The following FGF12 variants were observed in gnomAD, a reference collection of about 807,000 sequenced individuals.
The protein encoded by FGF12 is fibroblast growth factor 12B.
In FGF12, 14 loss-of-function variants were observed where a neutral mutation model predicts 23.6. The ratio of observed to expected loss-of-function variants is 0.59; its 90% CI spans 0.39 to 0.93. FGF12 has a LOEUF of 0.93. FGF12 is among the 40% of genes least tolerant of loss of function. FGF12 has a pLI of 0.00. For missense variants in FGF12, 175 were observed against 217.8 expected, an observed-to-expected ratio of 0.80 and a Z score of 1.24; for synonymous variants, 62 against 77.3, an observed-to-expected ratio of 0.80 and a Z score of 1.04.
chr3:192,605,441 G>C (rs570953138), intron 2 of FGF12, among the ~76,000 whole-genome samples: 1 of 151,588 alleles, frequency 6.6e-6, no homozygotes, highest in Non-Finnish European at 1.5e-5. Flanking sequence ...CATTGGCTTG[G>C]CCTTGGGAAA....
At chr3:192,533,184 C>G (rs145892390) in intron 2 of FGF12, among the ~76,000 whole-genome samples, 17 of 152,204 alleles carry the variant, frequency 1.1e-4, no homozygotes, top group Non-Finnish European at 1.8e-4. Context: ...GTCAAATTAC[C>G]AAAATCTGTA....
At chr3:192,634,555 A>G (rs1315827394) in intron 2 of FGF12, among the ~76,000 whole-genome samples, 2 of 152,130 alleles carry the variant, frequency 1.3e-5, no homozygotes, top group Non-Finnish European at 2.9e-5. Context: ...CTATATATAC[A>G]TATATGCACA....
chr3:192,683,284 G>C (rs1717606850), intron 2 of FGF12, among the ~76,000 whole-genome samples: 1 of 152,170 alleles, frequency 6.6e-6, no homozygotes, highest in African/African-American at 2.4e-5. Context: ...ACTCTGAGCG[G>C]TTAGTGTCAG....
chr3:192,469,449 T>C (rs1473649807), intron 2 of FGF12, among the ~76,000 whole-genome samples: 5 of 152,210 alleles, frequency 3.3e-5, no homozygotes, highest in Non-Finnish European at 7.3e-5. Context: ...CATGATAGCC[T>C]TCCTTCTTTA....
At chr3:192,441,901 C>G (rs1299484548) in intron 2 of FGF12, among the ~76,000 whole-genome samples, 1 of 152,220 alleles carries the variant, frequency 6.6e-6, no homozygotes, top group Admixed American at 6.5e-5. Flanking sequence ...ATTTTACTCT[C>G]TAGGTTAGAT....
chr3:192,566,403 G>A (rs906045487), intron 2 of FGF12, among the ~76,000 whole-genome samples: 2 of 152,134 alleles, frequency 1.3e-5, no homozygotes, highest in African/African-American at 4.8e-5. Context: ...CAGACAGAAA[G>A]AAACAAAGGC....
intron 5 of FGF12, among the ~76,000 whole-genome samples, chr3:192,145,095 G>C (rs988217902): frequency 8.5e-5 from 13 of 152,090 alleles, no homozygotes; most frequent in Non-Finnish European, 1.8e-4. Flanking sequence ...ACTTTGAGTG[G>C]TTACCGATTT....
intron 2 of FGF12, among the ~76,000 whole-genome samples, chr3:192,604,653 T>C (rs1472672561): frequency 6.6e-6 from 1 of 152,214 alleles, no homozygotes; most frequent in Non-Finnish European, 1.5e-5. Context: ...ACAGATTCAA[T>C]GCTATTCCTA....
chr3:192,339,018 GAT>G (rs1717556522), intron 3 of FGF12, among the ~76,000 whole-genome samples: 2 of 152,166 alleles, frequency 1.3e-5, no homozygotes, highest in South Asian at 4.1e-4. Context: ...AGAGAAAACT[GAT>G]AATGCTAGGC....
chr3:192,636,780 T>G (rs1036388261), intron 2 of FGF12, among the ~76,000 whole-genome samples: 1 of 152,330 alleles, frequency 6.6e-6, no homozygotes, highest in Admixed American at 6.5e-5. Flanking sequence ...AACAGCGATG[T>G]TATCAGAGAG....
chr3:192,638,882 A>G (rs1342590129), intron 2 of FGF12, among the ~76,000 whole-genome samples: 4 of 152,200 alleles, frequency 2.6e-5, no homozygotes, highest in Admixed American at 2.0e-4. Context: ...CACATCCAAA[A>G]CACCTAATTT....
chr3:192,510,485 A>G (rs188309430), intron 2 of FGF12, among the ~76,000 whole-genome samples: 1 of 152,314 alleles, frequency 6.6e-6, no homozygotes, highest in African/African-American at 2.4e-5. Flanking sequence ...ACTGACAAAA[A>G]TGTGGAGCAC....
At chr3:192,285,348 C>G (rs917351555) in intron 4 of FGF12, among the ~76,000 whole-genome samples, 2 of 152,036 alleles carry the variant, frequency 1.3e-5, no homozygotes, top group African/African-American at 2.4e-5. Flanking sequence ...GAGTCTAAAC[C>G]TTATGCTCTT....
At chr3:192,621,810 G>T (rs965368805) in intron 2 of FGF12, among the ~76,000 whole-genome samples, 2 of 151,536 alleles carry the variant, frequency 1.3e-5, no homozygotes, top group African/African-American at 2.4e-5. Context: ...TTGGCAAGAC[G>T]CTTGGTACTG....
chr3:192,513,847 T>C (rs571208473), intron 2 of FGF12, among the ~76,000 whole-genome samples: 4 of 152,314 alleles, frequency 2.6e-5, no homozygotes, highest in Admixed American at 6.5e-5. Flanking sequence ...GCAAGATTAA[T>C]AGACACACCA....
intron 2 of FGF12, among the ~76,000 whole-genome samples, chr3:192,679,493 G>A (rs544688365): frequency 2.2e-4 from 33 of 152,200 alleles, no homozygotes; most frequent in African/African-American, 7.7e-4. Context: ...AGCTACTCAG[G>A]AGGTGGGAGG....
rs1474012583 is a variant in FGF12 at position 192,442,471 on chromosome 3, A to G, written c.14-81933T>C. On this transcript the variant is annotated intron_variant, in intron 2 of 5. Transcript: ENST00000445105. ...GACAGACTAAGATGTTGGTGAGTCT[A>G]GTTGGATTCTATAAGTTTTAGGTGC... Among the ~76,000 whole-genome samples, 4 of 152,234 alleles carry G rather than the reference A, an allele frequency of 2.6e-5. No individual in the cohort carries two copies. In the East Asian group the frequency reaches 5.8e-4, roughly 22 times the overall value.
At chr3:192,641,499 G>A (rs1397143085) in intron 2 of FGF12, among the ~76,000 whole-genome samples, 1 of 151,018 alleles carries the variant, frequency 6.6e-6, no homozygotes, top group African/African-American at 2.4e-5. Flanking sequence ...CTGTCTCCCG[G>A]GTTCCAGCGA....
intron 4 of FGF12, among the ~76,000 whole-genome samples, chr3:192,197,140 C>T (rs1210965250): frequency 2.6e-5 from 4 of 152,134 alleles, no homozygotes; most frequent in African/African-American, 9.7e-5. Context: ...ATCTCTGATT[C>T]GGCAGTACAT....
Sources: gnomAD v4.1 joint callset for allele counts (sites outside exome capture counted in the v4.1 genomes callset) on GRCh38, gnomAD v4.1.1 for gene constraint, MANE v1.5 for transcripts, NCBI Gene and HGNC (gene_info 2026-07-23, HGNC 2026-07-21) for gene names.